Variants in ANKRD20A1 observed in about 807,000 individuals in gnomAD.
ANKRD20A1 encodes ankyrin repeat domain-containing protein 20A1.
Under a neutral mutation model 50.9 loss-of-function variants are expected in ANKRD20A1, and 2 were observed. The ratio of observed to expected loss-of-function variants is 0.04; its 90% CI spans 0.02 to 0.12. The LOEUF (loss-of-function observed/expected upper bound fraction) is 0.12, where lower values mean the gene tolerates loss of function less well. Among genes scored for constraint, ANKRD20A1 ranks in the 10% least tolerant of loss-of-function variants. ANKRD20A1 has a pLI of 1.00. For missense variants in ANKRD20A1, 31 were observed against 548.1 expected (o/e 0.06, Z 9.42); for synonymous variants, 10 against 186.2 (o/e 0.05, Z 7.70).
rs1377890307 is a variant in ANKRD20A1, at chr9:67,896,347, C to T, written c.1153-1212C>T. 1.3e-4 allele frequency among the ~76,000 whole-genome samples: 11 copies of T among 85,258 alleles called. 4 individuals carry two copies. Among genetic ancestry groups the T allele is most frequent in the Non-Finnish European group, 2.6e-5 (1 of 38,670 alleles). The allele number at this position is 85,258 out of a possible 152,430, so 55.9% of individuals were successfully genotyped here. A position where few individuals can be genotyped will look rare whatever the true frequency, so the allele number is the denominator to read the frequency against. ...CTCAAACTGTTTGAACTTACAGTCC[C>T]ATCATGGTTATTTCCAATATTTTTG... On this transcript the variant is annotated intron_variant, in intron 12 of 14. Transcript: ENST00000562196.
intron 8 of ANKRD20A1, among the ~76,000 whole-genome samples, chr9:67,880,772 G>T: frequency 4.6e-5 from 1 of 21,678 alleles, no homozygotes; most frequent in Non-Finnish European, 1.2e-4. Flanking sequence ...GAAAAAAAAT[G>T]AACTGGAAAA....
chr9:67,885,260 A>G (rs1193857178), intron 9 of ANKRD20A1, among the ~76,000 whole-genome samples: 1 of 152,276 alleles, frequency 6.6e-6, no homozygotes, highest in East Asian at 1.9e-4. Context: ...AGAAGAAGGA[A>G]GAACATGGTG....
chr9:67,900,528 G>T lies in ANKRD20A1; in HGVS notation c.1533G>T (p.Met511Ile), dbSNP rs562734789. ...FHNHEEMKGL[M>I]DENCILKADI... ...ATCATGAAGAAATGAAAGGTCTGAT[G>T]GATGAAAATTGCATTTTGAAGGCAG... Residue 511 changes from methionine (M) to isoleucine (I), a missense_variant, in exon 15 of 15, where the codon ATG becomes ATT. Coordinates refer to ENST00000562196, the MANE Select transcript of ANKRD20A1 (RefSeq NM_032250.5). The T allele has an allele frequency of 8.3e-6, 8 of 968,700 alleles. 3 individuals carry two copies. Among genetic ancestry groups the T allele is most frequent in the South Asian group, 1.8e-5 (1 of 54,552 alleles). The allele number at this position is 968,700 out of a possible 1,614,324, so 60.0% of individuals were successfully genotyped here.
At chr9:67,885,105 C>T (rs28431360) in intron 9 of ANKRD20A1, among the ~76,000 whole-genome samples, 12,955 of 137,810 alleles carry the variant, frequency 0.094, 3 homozygotes, top group Middle Eastern at 0.17. Flanking sequence ...TTAAGATACT[C>T]TAAGACCTGA....
intron 4 of ANKRD20A1, among the ~76,000 whole-genome samples, chr9:67,867,585 C>T (rs74332775): frequency 6.6e-6 from 1 of 152,268 alleles, no homozygotes; most frequent in African/African-American, 2.4e-5. Context: ...TTATAATATA[C>T]AGTGTTTGGT....
At chr9:67,896,095 A>G (rs1827998309) in intron 12 of ANKRD20A1, among the ~76,000 whole-genome samples, 1 of 51,170 alleles carries the variant, frequency 2.0e-5, no homozygotes, top group Admixed American at 3.2e-4. Context: ...CCAGATCAAC[A>G]TAAAGAAATT....
chr9:67,881,200 A>C (rs1827788271), intron 8 of ANKRD20A1, among the ~76,000 whole-genome samples: 1 of 147,016 alleles, frequency 6.8e-6, no homozygotes, highest in South Asian at 2.2e-4. Flanking sequence ...GATTGCTTGA[A>C]CCCAGGAGTT....
At chr9:67,877,039 T>TG (rs1827738850) in intron 6 of ANKRD20A1, among the ~76,000 whole-genome samples, 1 of 57,410 alleles carries the variant, frequency 1.7e-5, no homozygotes, top group African/African-American at 3.6e-5. Context: ...TGCTTGTTGG[T>TG]GGGGAAAAAC....
chr9:67,881,586 G>A (rs1218813763), intron 8 of ANKRD20A1, among the ~76,000 whole-genome samples: 1 of 152,260 alleles, frequency 6.6e-6, no homozygotes, highest in Non-Finnish European at 1.5e-5. Flanking sequence ...GGCCAACGTG[G>A]TGAAACCCTG....
chr9:67,860,249 G>T lies in ANKRD20A1; in HGVS notation c.203+620G>T, dbSNP rs1405323583. 4.4e-5 allele frequency among the ~76,000 whole-genome samples: 2 copies of T among 45,566 alleles called. 1 individual carries two copies. Among genetic ancestry groups the T allele is most frequent in the Non-Finnish European group, 8.6e-5 (2 of 23,324 alleles). 29.9% of individuals were successfully genotyped at this position (45,566 alleles called of 152,430 possible). On this transcript the variant is annotated intron_variant, in intron 1 of 14. Coordinates refer to ENST00000562196, the MANE Select transcript of ANKRD20A1 (RefSeq NM_032250.5). Reference sequence around the variant, plus strand: ...ATTTTTGTATATTTAGTTTCACCACGTTGGCCAGGCTGGTCTCGAACTCCT... The same window carrying T: ...ATTTTTGTATATTTAGTTTCACCACTTTGGCCAGGCTGGTCTCGAACTCCT...
intron 8 of ANKRD20A1, among the ~76,000 whole-genome samples, chr9:67,883,113 T>C (rs1351869487): frequency 6.6e-6 from 1 of 151,556 alleles, no homozygotes; most frequent in African/African-American, 2.4e-5. Flanking sequence ...GCATGTGTCT[T>C]TATAGCAGCA....
At chr9:67,897,072 T>A (rs1587606677) in intron 12 of ANKRD20A1, among the ~76,000 whole-genome samples, 1 of 80,450 alleles carries the variant, frequency 1.2e-5, no homozygotes, top group African/African-American at 3.8e-5. Flanking sequence ...TAAAAGGCAG[T>A]GGGGAAAAGA....
chr9:67,894,652 T>C lies in ANKRD20A1; in HGVS notation c.1152+1146T>C, dbSNP rs1827990236. Reference sequence around the variant, plus strand: ...TTTCACAGTTAAATTTTAATTATTTTCTAGTATTGTTGTTTATACTTGATT... The same window carrying C: ...TTTCACAGTTAAATTTTAATTATTTCCTAGTATTGTTGTTTATACTTGATT... On this transcript the variant is annotated intron_variant, in intron 12 of 14. Transcript: ENST00000562196. 2.2e-5 allele frequency among the ~76,000 whole-genome samples: 2 copies of C among 90,568 alleles called. 1 individual carries two copies. The highest frequency in any genetic ancestry group is 6.6e-5 in the African/African-American group (2 of 30,240). The allele number at this position is 90,568 out of a possible 152,430, so 59.4% of individuals were successfully genotyped here.
At position 67,872,558 on chromosome 9, in the gene ANKRD20A1, G is replaced by C. The variant is rs1827665736; in HGVS notation, c.793+1346G>C. ...TGTTTTCAGTTTTATGAGAAATGAA[G>C]AAAAAGATTAGAAGCAAGTAAACAG... On this transcript the variant is annotated intron_variant, in intron 6 of 14. Transcript: ENST00000562196. 1.5e-5 allele frequency among the ~76,000 whole-genome samples: 2 copies of C among 134,172 alleles called. 1 individual carries two copies. Among genetic ancestry groups the C allele is most frequent in the South Asian group, 5.2e-4 (2 of 3,852 alleles). The allele number at this position is 134,172 out of a possible 152,430, so 88.0% of individuals were successfully genotyped here. A position where few individuals can be genotyped will look rare whatever the true frequency, so the allele number is the denominator to read the frequency against.
chr9:67,860,471 G>T (rs2131547481), intron 1 of ANKRD20A1: 2 of 46,950 alleles, frequency 4.3e-5, no homozygotes, highest in East Asian at 4.1e-4. Context: ...CATTTTACAG[G>T]GAATTCTTTC....
intron 8 of ANKRD20A1, among the ~76,000 whole-genome samples, chr9:67,881,727 G>A (rs1489093664): frequency 0.01 from 1,528 of 150,436 alleles, no homozygotes; most frequent in African/African-American, 0.035. Context: ...CCCGGGAGGC[G>A]GAGGTTGCAG....
At position 67,885,557 on chromosome 9, in the gene ANKRD20A1, A is replaced by G. The variant is rs533292862; in HGVS notation, c.979+987A>G. On this transcript the variant is annotated intron_variant, in intron 9 of 14. Coordinates refer to ENST00000562196, the MANE Select transcript of ANKRD20A1 (RefSeq NM_032250.5). ...GAATAGTGTTGGGTGATTTATGGAG[A>G]AGAAATTAATTCGAGAAGTTATTGC... Among the ~76,000 whole-genome samples, 3 of 152,424 alleles carry G rather than the reference A, an allele frequency of 2.0e-5. No individual in the cohort carries two copies. The East Asian group carries it at 5.8e-4, about 29-fold the overall frequency.
In ANKRD20A1 at chr9:67,872,446, G is replaced by A. The variant is rs897416046; in HGVS notation, c.793+1234G>A. Among the ~76,000 whole-genome samples the A allele has an allele frequency of 4.4e-5, 5 of 113,130 alleles. 1 individual carries two copies. Among genetic ancestry groups the A allele is most frequent in the African/African-American group, 1.5e-4 (5 of 33,170 alleles). The allele number at this position is 113,130 out of a possible 152,430, so 74.2% of individuals were successfully genotyped here. Reference sequence around the variant, plus strand: ...CAAATCCAACTGTTCACAGAGAGCGGTGGATAGCGCATCCTACTGTTTGGA... The same window carrying A: ...CAAATCCAACTGTTCACAGAGAGCGATGGATAGCGCATCCTACTGTTTGGA... On this transcript the variant is annotated intron_variant, in intron 6 of 14. Coordinates refer to ENST00000562196, the MANE Select transcript of ANKRD20A1 (RefSeq NM_032250.5).
At chr9:67,891,251 A>G (rs1827942589) in intron 11 of ANKRD20A1, among the ~76,000 whole-genome samples, 1 of 134,236 alleles carries the variant, frequency 7.4e-6, no homozygotes, top group Admixed American at 8.2e-5. Context: ...CTGAGATTGC[A>G]CCACTGCACT....
Sources: allele counts gnomAD v4.1 joint callset (sites outside exome capture counted in the v4.1 genomes callset), GRCh38; gene constraint gnomAD v4.1.1; transcripts MANE v1.5; gene names NCBI Gene and HGNC (gene_info 2026-07-23, HGNC 2026-07-21).